Variants in DRC3 observed in about 807,000 individuals in gnomAD.
The protein encoded by DRC3 is leucine rich repeat containing 48.
A neutral mutation model predicts 57.6 loss-of-function variants in DRC3; 45 were observed. That is an observed-to-expected ratio of 0.78 (90% CI 0.62 to 1.00). DRC3 has a LOEUF of 1.00. Among genes scored for constraint, DRC3 ranks in the 50% least tolerant of loss-of-function variants. The pLI is 0.00. For synonymous variants in DRC3, 257 were observed against 272.3 expected (o/e 0.94, Z 0.55); for missense variants, 655 against 675.2 (o/e 0.97, Z 0.33).
intron 9 of DRC3, among the ~76,000 whole-genome samples, chr17:17,999,599 C>T (rs942243297): frequency 1.3e-5 from 2 of 152,206 alleles, no homozygotes; most frequent in Admixed American, 6.5e-5. Context: ...CAGTGAGTCA[C>T]GTTTCAGGGT....
intron 4 of DRC3, 66 bp downstream of exon 4, chr17:17,984,010 C>T: frequency 9.9e-7 from 1 of 1,006,996 alleles, no homozygotes; most frequent in East Asian, 2.4e-5. Context: ...TTATTGCCTT[C>T]CCAGGAGACA....
At position 18,008,040 on chromosome 17, in the gene DRC3, C is replaced by T. The variant is rs947687446; in HGVS notation, c.1326+893C>T. The T allele has an allele frequency of 5.8e-6, 1 of 172,134 alleles. No individual in the cohort carries two copies. The highest frequency in any genetic ancestry group is 1.2e-5 in the Non-Finnish European group (1 of 86,304). 10.7% of individuals were successfully genotyped at this position (172,134 alleles called of 1,614,324 possible). On this transcript the variant is annotated intron_variant, in intron 12 of 13. Coordinates refer to ENST00000399187, the MANE Select transcript of DRC3 (RefSeq NM_031294.4). The surrounding 1 kb of genome is among the most constrained non-coding windows in gnomAD (Gnocchi z 4.3). ...TCATGACCCCTAGCGTCAGCTCCTC[C>T]CCATAGTCCCCCAGACCCTCGGGCT...
At chr17:17,976,640 C>G (rs1424037528) in intron 2 of DRC3, among the ~76,000 whole-genome samples, 1 of 152,096 alleles carries the variant, frequency 6.6e-6, no homozygotes, top group African/African-American at 2.4e-5. Flanking sequence ...CGCCATTGTG[C>G]CCCAGCCTGG....
chr17:17,976,480 G>C (rs2145181998), intron 2 of DRC3, among the ~76,000 whole-genome samples: 1 of 152,310 alleles, frequency 6.6e-6, no homozygotes, highest in East Asian at 1.9e-4. Context: ...AGGAGTTTGA[G>C]ACCAGCCTGG....
chr17:17,981,695 T>TTTA (rs2042697893), intron 3 of DRC3: 4 of 151,894 alleles, frequency 2.6e-5, no homozygotes, highest in African/African-American at 9.7e-5. Context: ...TTTTATTTTT[T>TTTA]TTTATTTATT....
intron 3 of DRC3, chr17:17,978,024 A>G: frequency 2.9e-6 from 1 of 345,272 alleles, no homozygotes; most frequent in East Asian, 6.1e-5. Flanking sequence ...GCCAAATCTA[A>G]GTGAGCCCCC....
Position 18,004,438 on chromosome 17 carries a change from A to G in DRC3, c.1075A>G (p.Ser359Gly), listed in dbSNP as rs567777043. The change falls in exon 10 of 14, where the codon AGT (serine) becomes GGT (glycine). Residue 359 changes from serine (S) to glycine (G), a missense_variant. Physicochemically the swap from Ser to Gly is moderately conservative, Grantham distance 56. Coordinates refer to ENST00000399187, the MANE Select transcript of DRC3 (RefSeq NM_031294.4). ...GATCCTAGAATGCAGTGCTGACATC[A>G]GTGAGTTGTTCGATGCGCTCATGAC... ...KMILECSADI[S>G]ELFDALMTLE... The G allele has an allele frequency of 6.2e-7, 1 of 1,611,152 alleles. No homozygotes were observed. Among genetic ancestry groups the G allele is most frequent in the African/African-American group, 1.3e-5 (1 of 74,920 alleles).
At chr17:17,987,691 A>G (rs1336115929) in intron 4 of DRC3, among the ~76,000 whole-genome samples, 1 of 152,192 alleles carries the variant, frequency 6.6e-6, no homozygotes, top group Non-Finnish European at 1.5e-5. Flanking sequence ...ATTTGCCCAC[A>G]TGTCCCCAGC....
intron 9 of DRC3, among the ~76,000 whole-genome samples, chr17:18,000,658 A>G (rs1349814003): frequency 1.3e-5 from 2 of 152,128 alleles, no homozygotes; most frequent in African/African-American, 2.4e-5. Flanking sequence ...TTATTGTCCA[A>G]CTGTAACCTA....
intron 3 of DRC3, chr17:17,981,698 T>A (rs953030666): frequency 3.3e-4 from 50 of 152,246 alleles, no homozygotes; most frequent in African/African-American, 1.1e-3. Flanking sequence ...TATTTTTTTT[T>A]ATTTATTTAT....
chr17:17,977,935 C>T (rs2145193020), intron 3 of DRC3, 177 bp downstream of exon 3: 2 of 557,940 alleles, frequency 3.6e-6, no homozygotes, highest in South Asian at 5.1e-5. Flanking sequence ...AAGCGTCATA[C>T]TTAGTGTCTT....
At chr17:17,988,296 C>T (rs2043058200) in intron 5 of DRC3, 198 bp downstream of exon 5, 3 of 601,506 alleles carry the variant, frequency 5.0e-6, no homozygotes, top group South Asian at 4.1e-5. Context: ...CAAAATTCAT[C>T]GGAGAGCACT....
At chr17:17,999,951 T>C (rs2043626184) in intron 9 of DRC3, among the ~76,000 whole-genome samples, 1 of 151,810 alleles carries the variant, frequency 6.6e-6, no homozygotes, top group South Asian at 2.1e-4. Flanking sequence ...CACGCGCACA[T>C]AGCATGCCCT....
At chr17:18,011,016 G>A (rs184912552) in intron 12 of DRC3, 18 of 229,758 alleles carry the variant, frequency 7.8e-5, no homozygotes, top group African/African-American at 4.2e-4. Context: ...GGAGTGCAAT[G>A]GCATGATCTT....
chr17:17,978,307 G>A (rs149839363), intron 3 of DRC3, among the ~76,000 whole-genome samples: 1,760 of 152,262 alleles, frequency 0.012, 35 homozygotes, highest in African/African-American at 0.04. Flanking sequence ...TCAATGTCCC[G>A]TCTGTGGAAT....
At chr17:18,001,830 C>A (rs995901459) in intron 9 of DRC3, among the ~76,000 whole-genome samples, 2 of 152,244 alleles carry the variant, frequency 1.3e-5, no homozygotes, top group African/African-American at 2.4e-5. Flanking sequence ...GTTTACCAAT[C>A]TTCTGGTTAT....
chr17:17,994,386 C>A lies in DRC3; in HGVS notation c.679C>A (p.Gln227Lys). The change falls in exon 7 of 14, where the codon CAG (glutamine) becomes AAG (lysine). Residue 227 changes from glutamine (Q) to lysine (K), a missense_variant. Physicochemically the swap from Gln to Lys is moderately conservative, Grantham distance 53. Coordinates refer to ENST00000399187, the MANE Select transcript of DRC3 (RefSeq NM_031294.4). ...NLMQAQLEDEQAQREELEKHK... is the reference protein window; with the variant it reads ...NLMQAQLEDEKAQREELEKHK... ...GATGCAGGCCCAGCTGGAGGACGAG[C>A]AGGCGCAGCGGGAGGAGCTAGAGAA... The A allele has an allele frequency of 6.4e-7, 1 of 1,554,240 alleles. No homozygotes were observed. Among genetic ancestry groups the A allele is most frequent in the East Asian group, 2.4e-5 (1 of 41,004 alleles).
At chr17:17,976,115 A>G (rs1201407317) in intron 2 of DRC3, among the ~76,000 whole-genome samples, 1 of 152,174 alleles carries the variant, frequency 6.6e-6, no homozygotes, top group Non-Finnish European at 1.5e-5. Context: ...CCAGCAGGGC[A>G]GAAGGACAGG....
chr17:17,984,207 T>A (rs2042849153), intron 4 of DRC3, among the ~76,000 whole-genome samples: 1 of 152,114 alleles, frequency 6.6e-6, no homozygotes. Context: ...AAACTTTCAG[T>A]CTGGATGGGG....
Sources: allele counts gnomAD v4.1 joint callset (sites outside exome capture counted in the v4.1 genomes callset), GRCh38; gene constraint gnomAD v4.1.1; non-coding constraint Gnocchi (gnomAD v3.1); transcripts MANE v1.5; gene names NCBI Gene and HGNC (gene_info 2026-07-23, HGNC 2026-07-21).